The following TPCN2 variants were observed in gnomAD, a reference collection of about 807,000 sequenced individuals.
TPCN2 encodes the protein two pore segment channel 2, also known as two pore channel protein 2.
TPCN2 carries 92 observed loss-of-function variants against 111.4 expected under a neutral mutation model. The observed-to-expected ratio is 0.83, with a 90% CI of 0.70 to 0.98. The LOEUF (loss-of-function observed/expected upper bound fraction) is 0.98. TPCN2 is among the 50% of genes least tolerant of loss of function. TPCN2 has a pLI of 0.00. For missense variants in TPCN2, 995 were observed against 980.1 expected (o/e 1.02, Z -0.20); for synonymous variants, 405 against 414.5 (o/e 0.98, Z 0.28).
chr11:69,073,653 T>A (rs943686214), intron 13 of TPCN2, among the ~76,000 whole-genome samples: 1 of 152,218 alleles, frequency 6.6e-6, no homozygotes, highest in African/African-American at 2.4e-5. Flanking sequence ...AGACATTTGT[T>A]ATCTCACAGT....
intron 9 of TPCN2, among the ~76,000 whole-genome samples, chr11:69,070,881 C>T (rs1338626014): frequency 1.4e-5 from 2 of 145,440 alleles, no homozygotes; most frequent in Admixed American, 6.8e-5. Context: ...CCCAGGGATC[C>T]CCCACCAACA....
At chr11:69,086,897 G>T (rs576432934) in intron 23 of TPCN2, among the ~76,000 whole-genome samples, 1 of 152,306 alleles carries the variant, frequency 6.6e-6, no homozygotes, top group South Asian at 2.1e-4. Flanking sequence ...TGGGCTGTGG[G>T]GATTCTCAGG....
intron 5 of TPCN2, among the ~76,000 whole-genome samples, chr11:69,059,066 G>A (rs892612007): frequency 2.6e-5 from 4 of 152,190 alleles, no homozygotes; most frequent in African/African-American, 9.6e-5. Flanking sequence ...CCTGCTCCGC[G>A]CTCCCTTCGC....
At chr11:69,085,640 G>T (rs372997454) in intron 20 of TPCN2, 31 bp from the exon 21 acceptor site, 20 of 1,457,180 alleles carry the variant, frequency 1.4e-5, no homozygotes, top group Admixed American at 1.3e-4. Context: ...TGGAGCCCCC[G>T]CCCCTGACCC....
At chr11:69,053,813 C>G (rs1054033176) in intron 1 of TPCN2, among the ~76,000 whole-genome samples, 1 of 152,222 alleles carries the variant, frequency 6.6e-6, no homozygotes, top group East Asian at 1.9e-4. Context: ...GCGGAGGTGC[C>G]GTGCCCTGGG....
rs746504664 is a variant in TPCN2 at position 69,063,881 on chromosome 11, G to A, written c.654-14G>A. On this transcript the variant is annotated splice_polypyrimidine_tract_variant and intron_variant, in intron 6 of 24. Transcript: ENST00000294309. ...CGCCGCCTGGCCCAGGCTGAGTGCC[G>A]TGCTCTCCCCCAGCGTCGGGCTGCT... 19 of 1,613,274 alleles carry A rather than the reference G, an allele frequency of 1.2e-5. No individual in the cohort carries two copies. The highest frequency in any genetic ancestry group is 5.5e-5 in the South Asian group (5 of 90,970).
chr11:69,075,696 C>T (rs575833336), intron 13 of TPCN2, among the ~76,000 whole-genome samples: 26 of 152,302 alleles, frequency 1.7e-4, no homozygotes, highest in African/African-American at 2.4e-5. Context: ...AGAGCCCTCC[C>T]GTGTGGGGTC....
intron 10 of TPCN2, 135 bp from the exon 11 acceptor site, chr11:69,071,788 C>T (rs1855547402): frequency 1.3e-6 from 1 of 750,876 alleles, no homozygotes; most frequent in Non-Finnish European, 2.2e-6. Flanking sequence ...GGGCTGCCCC[C>T]AGGCTGTGGG....
chr11:69,087,624 C>T (rs1210630141), intron 24 of TPCN2, among the ~76,000 whole-genome samples: 1 of 152,074 alleles, frequency 6.6e-6, no homozygotes, highest in Non-Finnish European at 1.5e-5. Flanking sequence ...CAGGGGCTGC[C>T]GAGTTGCTGC....
intron 11 of TPCN2, 138 bp downstream of exon 11, chr11:69,072,161 C>T: frequency 1.4e-6 from 1 of 692,552 alleles, no homozygotes; most frequent in East Asian, 2.7e-5. Flanking sequence ...TCATGGAAAC[C>T]ACCATGTCCC....
chr11:69,073,750 A>G (rs1396299270), intron 13 of TPCN2, among the ~76,000 whole-genome samples: 2 of 150,414 alleles, frequency 1.3e-5, no homozygotes, highest in Non-Finnish European at 3.0e-5. Context: ...TTCTTTCCCC[A>G]TGTCCTCACC....
At chr11:69,074,584 C>T (rs1250973010) in intron 13 of TPCN2, among the ~76,000 whole-genome samples, 2 of 151,932 alleles carry the variant, frequency 1.3e-5, no homozygotes, top group Non-Finnish European at 2.9e-5. Context: ...GCTCAGGAAG[C>T]AGCTCTTAGC....
rs1856014182 is a variant in TPCN2 at position 69,081,580 on chromosome 11, C to A, written c.1689+81C>A. ...TGCTCCAGGGTGGGTGAGCCTGGGGCAGGAAGGGCCCGAGGACTGTGCCCG... is the reference window on the plus strand; with the variant it reads ...TGCTCCAGGGTGGGTGAGCCTGGGGAAGGAAGGGCCCGAGGACTGTGCCCG... On this transcript the variant is annotated intron_variant, in intron 18 of 24. Coordinates refer to ENST00000294309, the MANE Select transcript of TPCN2 (RefSeq NM_139075.4). 2.8e-6 allele frequency: 3 copies of A among 1,067,332 alleles called. No homozygotes were observed. In the African/African-American group the frequency reaches 4.7e-5, roughly 17 times the overall value. 66.1% of individuals were successfully genotyped at this position (1,067,332 alleles called of 1,614,324 possible).
At chr11:69,071,514 C>A in intron 10 of TPCN2, 94 bp downstream of exon 10, 1 of 1,151,786 alleles carries the variant, frequency 8.7e-7, no homozygotes, top group Non-Finnish European at 1.3e-6. Flanking sequence ...CCCTTGCTGG[C>A]CAGGCCCCTG....
rs772880933 is a variant in TPCN2 at position 69,062,908 on chromosome 11, C to T, written c.571C>T (p.Arg191Cys). ...HEPLRIRRLLRPFFLLQNSSM... is the reference protein window; with the variant it reads ...HEPLRIRRLLCPFFLLQNSSM... The stretch of plus-strand genomic sequence containing the variant: ...GCCCCTGCGGATCCGCCGGCTTCTC[C>T]GTCCCTTCTTCCTGCTGCAGAACTC... Residue 191 changes from arginine (R) to cysteine (C), a missense_variant, in exon 6 of 25, where the codon CGT (arginine) becomes TGT (cysteine). Transcript: ENST00000294309. 21 of 1,613,862 alleles carry T rather than the reference C, an allele frequency of 1.3e-5. No homozygotes were observed. Among genetic ancestry groups the T allele is most frequent in the Admixed American group, 6.7e-5 (4 of 59,996 alleles).
intron 3 of TPCN2, 100 bp from the exon 4 acceptor site, chr11:69,055,075 G>A (rs1854694891): frequency 1.5e-6 from 2 of 1,306,552 alleles, no homozygotes; most frequent in African/African-American, 3.0e-5. Context: ...CGCTCAGGCA[G>A]CGCCAACTCC....
chr11:69,082,157 G>A (rs1329843805), intron 18 of TPCN2, among the ~76,000 whole-genome samples: 5 of 152,176 alleles, frequency 3.3e-5, no homozygotes, highest in Admixed American at 3.3e-4. Context: ...CAGCTCAGGG[G>A]TCCTGAGCCT....
Position 69,081,261 on chromosome 11 carries a change from C to T in TPCN2, c.1590-139C>T, listed in dbSNP as rs751178518. 501 of 581,442 alleles carry T rather than the reference C, an allele frequency of 8.6e-4. 2 individuals carry two copies. Among genetic ancestry groups the T allele is most frequent in the Non-Finnish European group, 3.9e-4 (126 of 323,150 alleles). 36.0% of individuals were successfully genotyped at this position (581,442 alleles called of 1,614,324 possible). A position where few individuals can be genotyped will look rare whatever the true frequency, so the allele number is the denominator to read the frequency against. ...GCCACCCTGCAGAGGCTTTTCTGCT[C>T]GGTGTTGGCTGTGGGGTGCACTCCC... On this transcript the variant is annotated intron_variant, in intron 17 of 24. Coordinates refer to ENST00000294309, the MANE Select transcript of TPCN2 (RefSeq NM_139075.4).
Position 69,073,585 on chromosome 11 carries a change from T to C in TPCN2, c.1230+584T>C, listed in dbSNP as rs527328669. On this transcript the variant is annotated intron_variant, in intron 13 of 24. Coordinates refer to ENST00000294309, the MANE Select transcript of TPCN2 (RefSeq NM_139075.4). ...TGCCAGTTCTGTGTCACTTTTCTCG[T>C]TTGCTCAGGCTCCTGGGACGGCACC... Among the ~76,000 whole-genome samples, 3 of 152,340 alleles carry C rather than the reference T, an allele frequency of 2.0e-5. No homozygotes were observed. In the South Asian group the frequency reaches 6.2e-4, roughly 32 times the overall value.
Sources: allele counts gnomAD v4.1 joint callset (sites outside exome capture counted in the v4.1 genomes callset), GRCh38; gene constraint gnomAD v4.1.1; transcripts MANE v1.5; gene names NCBI Gene and HGNC (gene_info 2026-07-23, HGNC 2026-07-21).